The following CYREN variants were observed in gnomAD, a reference collection of about 807,000 sequenced individuals.
The protein encoded by CYREN is cell cycle regulator of non-homologous end joining.
Under a neutral mutation model 9.7 loss-of-function variants are expected in CYREN, and 7 were observed. The observed-to-expected ratio is 0.72, with a 90% CI of 0.41 to 1.36. The LOEUF (loss-of-function observed/expected upper bound fraction) is 1.36. Ranked by LOEUF, CYREN falls within the 40% of genes most tolerant of loss-of-function variation. CYREN has a pLI of 0.01. For synonymous variants in CYREN, 76 were observed against 77.9 expected (o/e 0.98, Z 0.13); for missense variants, 215 against 198.1 (o/e 1.09, Z -0.51).
chr7:135,171,004 T>A (rs1830625422), upstream of CYREN, among the ~76,000 whole-genome samples: 1 of 152,178 alleles, frequency 6.6e-6, no homozygotes, highest in Non-Finnish European at 1.5e-5. Context: ...GGAACGGGCA[T>A]GTTTTGGAAA....
chr7:135,128,443 A>C (rs1308693539), intron 2 of CYREN: 1 of 715,416 alleles, frequency 1.4e-6, no homozygotes, highest in Non-Finnish European at 2.6e-6. Flanking sequence ...AGAAAATTAA[A>C]TGTCAGAAGA....
chr7:135,117,342 G>T (rs1173757427), intron 2 of CYREN, among the ~76,000 whole-genome samples: 1 of 146,416 alleles, frequency 6.8e-6, no homozygotes, highest in African/African-American at 2.5e-5. Context: ...ATTCATTTTG[G>T]CTTAAGAACA....
Position 135,129,592 on chromosome 7 carries a change from C to T in CYREN, n.357-35010G>A, listed in dbSNP as rs374398973. 106 of 772,732 alleles carry T rather than the reference C, an allele frequency of 1.4e-4. 1 individual carries two copies. The East Asian group carries it at 2.0e-3, about 15-fold the overall frequency. The allele number at this position is 772,732 out of a possible 1,614,324, so 47.9% of individuals were successfully genotyped here. A position where few individuals can be genotyped will look rare whatever the true frequency, so the allele number is the denominator to read the frequency against. On this transcript the variant is annotated intron_variant and non_coding_transcript_variant, in intron 2 of 2. Transcript: ENST00000459937. ...ATGAGTTCTCTCTCTAGAGCAAACC[C>T]TTACAAACATTTCACTGATCCTGCT...
chr7:135,113,213 CTTTA>C (rs139633933), intron 2 of CYREN, among the ~76,000 whole-genome samples: 179 of 152,258 alleles, frequency 1.2e-3, no homozygotes, highest in African/African-American at 4.2e-3. Flanking sequence ...GCAATGTGTG[CTTTA>C]TTTATCTTTT....
At chr7:135,156,906 T>A (rs188757829) in intron 2 of CYREN, among the ~76,000 whole-genome samples, 3 of 152,300 alleles carry the variant, frequency 2.0e-5, no homozygotes, top group Admixed American at 6.5e-5. Context: ...ATTCTCGTGA[T>A]AGTGAATAAG....
intron 2 of CYREN, chr7:135,135,297 G>A: frequency 1.4e-6 from 2 of 1,436,688 alleles, no homozygotes; most frequent in Non-Finnish European, 9.2e-7. Flanking sequence ...TGTGAATGAA[G>A]GATAACATAT....
chr7:135,164,819 G>A (rs771374160), downstream of CYREN: 1 of 1,613,998 alleles, frequency 6.2e-7, no homozygotes, highest in Non-Finnish European at 8.5e-7. Flanking sequence ...CCTCTGTGCT[G>A]CTGGCAGGCG....
At chr7:135,164,834 G>A (rs1830050197), downstream of CYREN, 5 of 1,613,936 alleles carry the variant, frequency 3.1e-6, no homozygotes, top group East Asian at 6.7e-5. Context: ...CAGGCGGCCT[G>A]GGCCTCTTCC....
chr7:135,118,853 G>GA (rs1362243438), intron 2 of CYREN, among the ~76,000 whole-genome samples: 4 of 152,004 alleles, frequency 2.6e-5, no homozygotes, highest in African/African-American at 9.7e-5. Flanking sequence ...TTTTTGAATT[G>GA]AAAAATACCA....
chr7:135,171,066 G>GC (rs528340698), upstream of CYREN, among the ~76,000 whole-genome samples: 206 of 152,266 alleles, frequency 1.4e-3, 3 homozygotes, highest in African/African-American at 4.8e-3. Context: ...GCTGGGCCAG[G>GC]CCCCCCTCGT....
intron 2 of CYREN, among the ~76,000 whole-genome samples, chr7:135,143,654 TA>T (rs539117207): frequency 9.4e-5 from 14 of 149,602 alleles, no homozygotes; most frequent in South Asian, 2.1e-4. Context: ...ATATTGAATT[TA>T]AAAAAAAAAT....
At chr7:135,133,555 G>A (rs761301387) in intron 2 of CYREN, among the ~76,000 whole-genome samples, 4 of 152,148 alleles carry the variant, frequency 2.6e-5, no homozygotes, top group African/African-American at 9.7e-5. Flanking sequence ...CAAGACAGTA[G>A]TATTAGAGGA....
intron 2 of CYREN, among the ~76,000 whole-genome samples, chr7:135,146,812 G>A (rs1829555842): frequency 6.6e-6 from 1 of 152,196 alleles, no homozygotes; most frequent in South Asian, 2.1e-4. Context: ...GCTTGCCTCT[G>A]AAGAGGAAGA....
At chr7:135,171,075 G>C (rs1187734025), upstream of CYREN, among the ~76,000 whole-genome samples, 1 of 152,160 alleles carries the variant, frequency 6.6e-6, no homozygotes, top group Non-Finnish European at 1.5e-5. Context: ...GGCCCCCCTC[G>C]TGTGCTTGAG....
intron 2 of CYREN, among the ~76,000 whole-genome samples, chr7:135,102,503 C>A (rs1473913464): frequency 6.6e-6 from 1 of 152,118 alleles, no homozygotes; most frequent in African/African-American, 2.4e-5. Context: ...AAAATATGCA[C>A]CACACTTACT....
rs10237382 is a variant in CYREN, at chr7:135,166,771, C to G, written c.314G>C (p.Gly105Ala). 3.0e-5 allele frequency: 49 copies of G among 1,614,164 alleles called. No homozygotes were observed. In the African/African-American group the frequency reaches 5.9e-4, roughly 19 times the overall value. Residue 105 changes from glycine to alanine, a missense_variant, in exon 4 of 4, where the codon GGG (glycine) becomes GCG (alanine). Coordinates refer to ENST00000393114, the MANE Select transcript of CYREN (RefSeq NM_024033.4). ...PCSVSPHTSS[G>A]SSSEEEDSGK... The stretch of plus-strand genomic sequence containing the variant: ...ACTGTCCTCTTCCTCACTGCTGCTC[C>G]CAGAACTTGTGTGAGGCGACACGGA...
chr7:135,144,938 TAAAAAAAAAAAAA>T (rs58443282), intron 2 of CYREN, among the ~76,000 whole-genome samples: 8 of 45,618 alleles, frequency 1.8e-4, no homozygotes, highest in Admixed American at 3.5e-4. Flanking sequence ...CTCAAAAGAG[TAAAAAAAAAAAAA>T]AAAAAAAAAA....
intron 2 of CYREN, among the ~76,000 whole-genome samples, chr7:135,103,877 T>C (rs1824237197): frequency 6.6e-6 from 1 of 152,176 alleles, no homozygotes; most frequent in Non-Finnish European, 1.5e-5. Context: ...CTTCAACTGC[T>C]TTATTTTTTT....
chr7:135,150,686 C>T (rs979098417), intron 2 of CYREN, among the ~76,000 whole-genome samples: 62 of 152,150 alleles, frequency 4.1e-4, no homozygotes, highest in African/African-American at 1.4e-3. Flanking sequence ...TCTTGGCCGC[C>T]CACAAACTGG....
Sources: allele counts gnomAD v4.1 joint callset (sites outside exome capture counted in the v4.1 genomes callset), GRCh38; gene constraint gnomAD v4.1.1; transcripts MANE v1.5; gene names NCBI Gene and HGNC (gene_info 2026-07-23, HGNC 2026-07-21).